SCARB2: variants seen among roughly 807,000 people sequenced by gnomAD.
The protein encoded by SCARB2 is lysosome membrane protein 2.
Under a neutral mutation model 58.6 loss-of-function variants are expected in SCARB2, and 29 were observed. The ratio of observed to expected loss-of-function variants is 0.49; its 90% CI spans 0.37 to 0.67. The LOEUF (loss-of-function observed/expected upper bound fraction) is 0.67. Among genes scored for constraint, SCARB2 ranks in the 30% least tolerant of loss-of-function variants. The pLI is 0.00. For synonymous variants in SCARB2, 195 were observed against 210.1 expected (o/e 0.93, Z 0.62); for missense variants, 488 against 578.5 (o/e 0.84, Z 1.60).
At chr4:76,213,221 C>CA (rs1435405517) in intron 1 of SCARB2, 1 of 601,856 alleles carries the variant, frequency 1.7e-6, no homozygotes, top group East Asian at 2.9e-5. Context: ...CCTTACTTAT[C>CA]ACTGTAAAGG....
upstream of SCARB2, chr4:76,217,514 T>C (rs1231672413): frequency 7.2e-6 from 3 of 416,846 alleles, no homozygotes; most frequent in Non-Finnish European, 1.3e-5. Flanking sequence ...ACCTCCTCCT[T>C]CTCTCTCTAG....
intron 8 of SCARB2, 77 bp from the exon 9 acceptor site, chr4:76,168,553 C>G: frequency 8.6e-7 from 1 of 1,165,510 alleles, no homozygotes; most frequent in South Asian, 1.2e-5. Context: ...AGCACCATTT[C>G]TGTGTAGTCC....
chr4:76,170,727 C>T lies in SCARB2; in HGVS notation c.995-742G>A, dbSNP rs368087064. On this transcript the variant is annotated intron_variant, in intron 7 of 11. Coordinates refer to ENST00000264896, the MANE Select transcript of SCARB2 (RefSeq NM_005506.4). ...TAGAGACAGCGTTTCACCATGTTGG[C>T]AAGGCTGGTCTTGAACTCCTTACCT... is the stretch of plus-strand genomic sequence containing the variant. Among the ~76,000 whole-genome samples the T allele has an allele frequency of 1.1e-4, 16 of 151,854 alleles. 1 individual carries two copies. Among genetic ancestry groups the T allele is most frequent in the African/African-American group, 3.9e-4 (16 of 41,464 alleles).
intron 9 of SCARB2, 66 bp downstream of exon 9, chr4:76,168,337 T>G: frequency 8.0e-7 from 1 of 1,253,612 alleles, no homozygotes; most frequent in East Asian, 2.3e-5. Flanking sequence ...CCTCCTGACA[T>G]CAACCCCACC....
chr4:76,170,945 A>AATATATATAT (rs35595759), intron 7 of SCARB2, among the ~76,000 whole-genome samples: 1 of 136,586 alleles, frequency 7.3e-6, no homozygotes, highest in Non-Finnish European at 1.6e-5. Flanking sequence ...TGTAAATTTA[A>AATATATATAT]ATATATATAT....
intron 6 of SCARB2, 88 bp downstream of exon 6, chr4:76,175,703 G>A (rs1732238181): frequency 6.9e-7 from 1 of 1,447,798 alleles, no homozygotes; most frequent in African/African-American, 1.4e-5. Context: ...TGCATAATAA[G>A]TGTGTCTGCA....
At chr4:76,199,798 A>C (rs1302798606) in intron 1 of SCARB2, among the ~76,000 whole-genome samples, 1 of 152,186 alleles carries the variant, frequency 6.6e-6, no homozygotes, top group Non-Finnish European at 1.5e-5. Context: ...ACAGGTGAGG[A>C]ACCGAAAAAG....
At chr4:76,185,506 T>C (rs1215683170) in intron 2 of SCARB2, among the ~76,000 whole-genome samples, 1 of 152,250 alleles carries the variant, frequency 6.6e-6, no homozygotes, top group South Asian at 2.1e-4. Flanking sequence ...TGACGGTCCT[T>C]GTCATTAAGA....
At chr4:76,225,002 C>A (rs1436991056) in intron 1 of SCARB2, among the ~76,000 whole-genome samples, 1 of 151,976 alleles carries the variant, frequency 6.6e-6, no homozygotes, top group African/African-American at 2.4e-5. Context: ...TATATGCATC[C>A]TCATAGCTTA....
intron 7 of SCARB2, among the ~76,000 whole-genome samples, chr4:76,170,572 G>A (rs1578716962): frequency 6.6e-6 from 1 of 152,092 alleles, no homozygotes; most frequent in East Asian, 1.9e-4. Flanking sequence ...TTTTACCAAA[G>A]ACAGGCATAA....
intron 1 of SCARB2, among the ~76,000 whole-genome samples, chr4:76,209,613 C>T (rs998820405): frequency 5.9e-5 from 9 of 152,280 alleles, no homozygotes; most frequent in Middle Eastern, 3.4e-3. Flanking sequence ...GTGATCCACC[C>T]GATTCAGCCT....
chr4:76,180,707 AG>A (rs1454461914), intron 3 of SCARB2: 8 of 265,182 alleles, frequency 3.0e-5, no homozygotes, highest in Non-Finnish European at 4.9e-5. Flanking sequence ...CTGAACACCC[AG>A]GAAGAAATTA....
chr4:76,172,295 C>A (rs1732149331), intron 7 of SCARB2, among the ~76,000 whole-genome samples: 1 of 151,594 alleles, frequency 6.6e-6, no homozygotes, highest in Non-Finnish European at 1.5e-5. Flanking sequence ...GAGACCAGGT[C>A]TCACTCTGTT....
At chr4:76,183,555 C>A (rs772211029) in intron 2 of SCARB2, among the ~76,000 whole-genome samples, 7 of 152,008 alleles carry the variant, frequency 4.6e-5, no homozygotes, top group Non-Finnish European at 1.0e-4. Flanking sequence ...AACTTCCATG[C>A]CCTCTGCAGG....
intron 1 of SCARB2, among the ~76,000 whole-genome samples, chr4:76,228,872 C>T (rs1027704672): frequency 6.6e-6 from 1 of 152,102 alleles, no homozygotes; most frequent in African/African-American, 2.4e-5. Context: ...GTTCTTTGAG[C>T]TTCTTGTATT....
At chr4:76,205,607 A>G (rs1388101364) in intron 1 of SCARB2, among the ~76,000 whole-genome samples, 1 of 152,234 alleles carries the variant, frequency 6.6e-6, no homozygotes, top group East Asian at 1.9e-4. Flanking sequence ...GAGTGATTAC[A>G]TTAGTGTAAC....
At chr4:76,227,531 G>A (rs114573723) in intron 1 of SCARB2, among the ~76,000 whole-genome samples, 1 of 152,144 alleles carries the variant, frequency 6.6e-6, no homozygotes, top group Non-Finnish European at 1.5e-5. Flanking sequence ...TGGGTATAAT[G>A]TTCTGTAAAT....
chr4:76,222,945 C>T (rs1305269639), intron 1 of SCARB2, among the ~76,000 whole-genome samples: 2 of 152,146 alleles, frequency 1.3e-5, no homozygotes, highest in East Asian at 1.9e-4. Context: ...CAGGTGAAGC[C>T]TCGTGCATGG....
chr4:76,209,980 G>C (rs1379361552), intron 1 of SCARB2, among the ~76,000 whole-genome samples: 1 of 152,190 alleles, frequency 6.6e-6, no homozygotes, highest in East Asian at 1.9e-4. Flanking sequence ...CAGAGATTAG[G>C]AGCGCAAACT....
Sources: allele counts gnomAD v4.1 joint callset (sites outside exome capture counted in the v4.1 genomes callset), GRCh38; gene constraint gnomAD v4.1.1; transcripts MANE v1.5; gene names NCBI Gene and HGNC (gene_info 2026-07-23, HGNC 2026-07-21).